TENM2: variants seen among roughly 807,000 people sequenced by gnomAD.
TENM2 encodes the protein teneurin transmembrane protein 2.
A neutral mutation model predicts 245.2 loss-of-function variants in TENM2; 52 were observed. That is an observed-to-expected ratio of 0.21 (90% CI 0.17 to 0.27). The LOEUF is 0.27. Ranked by LOEUF, TENM2 falls within the 10% of genes least tolerant of loss-of-function variation. The pLI is 1.00. For missense variants in TENM2, 3,046 were observed against 3,666.8 expected, an observed-to-expected ratio of 0.83 and a Z score of 4.37; for synonymous variants, 1,363 against 1,438.9, an observed-to-expected ratio of 0.95 and a Z score of 1.19.
In TENM2 at chr5:168,216,855, T is replaced by A. The variant is rs766834954; in HGVS notation, c.4166T>A (p.Leu1389Gln). 5.6e-6 allele frequency: 9 copies of A among 1,613,998 alleles called. No homozygotes were observed. In the South Asian group the frequency reaches 8.8e-5, roughly 16 times the overall value. Residue 1389 changes from leucine (L) to glutamine (Q), a missense_variant, in exon 22 of 29, where the codon CTG becomes CAG. Leu to Gln is a moderately radical substitution (Grantham distance 113). Coordinates refer to ENST00000518659, the Ensembl canonical transcript of TENM2. ...GACCAGAATGGAATCATCTCCACCCTGCTGGGCTCCAATGACCTCACTGCC... is the reference window on the plus strand; with the variant it reads ...GACCAGAATGGAATCATCTCCACCCAGCTGGGCTCCAATGACCTCACTGCC...
Position 168,244,461 on chromosome 5 carries a change from T to C in TENM2, c.5562T>C (p.Asn1854=), listed in dbSNP as rs772037392. 2 of 1,584,404 alleles carry C rather than the reference T, an allele frequency of 1.3e-6. No homozygotes were observed. Among genetic ancestry groups the C allele is most frequent in the South Asian group, 2.3e-5 (2 of 88,108 alleles). Residue 1854 remains asparagine (N), a synonymous_variant, in exon 26 of 29, where the codon AAT becomes AAC. Coordinates refer to ENST00000518659, the Ensembl canonical transcript of TENM2. The surrounding 1 kb of genome is among the most constrained non-coding windows in gnomAD (Gnocchi z 4.9). ...TCTTGTCCATTGACTATGATCGAAA[T>C]ATTCGGACTGAAAAGATCTATGATG...
At chr5:167,261,808 T>A in the TENM2 span, among the ~76,000 whole-genome samples, 1 of 152,316 alleles carries the variant, frequency 6.6e-6, no homozygotes, top group South Asian at 2.1e-4. Flanking sequence ...TTTTATTATG[T>A]TACCCTCTAA....
intron 2 of TENM2, among the ~76,000 whole-genome samples, chr5:167,488,897 C>T (rs1210922530): frequency 1.3e-5 from 2 of 152,170 alleles, no homozygotes; most frequent in Non-Finnish European, 2.9e-5. Flanking sequence ...ATGGTTACTT[C>T]ATCCTTCATT....
chr5:167,667,127 T>C (rs915611856), intron 2 of TENM2, among the ~76,000 whole-genome samples: 1 of 152,328 alleles, frequency 6.6e-6, no homozygotes, highest in Non-Finnish European at 1.5e-5. Flanking sequence ...GCTGTATCCT[T>C]ACATCTGCTT....
At chr5:168,126,504 A>G (rs1795860559) in intron 11 of TENM2, among the ~76,000 whole-genome samples, 1 of 152,186 alleles carries the variant, frequency 6.6e-6, no homozygotes, top group Non-Finnish European at 1.5e-5. Context: ...ACAAGAGTCT[A>G]CATTTCTAAC....
At chr5:168,000,129 A>G (rs1281071266) in intron 5 of TENM2, among the ~76,000 whole-genome samples, 1 of 152,110 alleles carries the variant, frequency 6.6e-6, no homozygotes, top group Non-Finnish European at 1.5e-5. Context: ...CACACACCCT[A>G]CTTATTTGAC....
At chr5:167,043,910 C>T in the TENM2 span, among the ~76,000 whole-genome samples, 3 of 152,034 alleles carry the variant, frequency 2.0e-5, no homozygotes, top group Non-Finnish European at 1.5e-5. Context: ...GTCCCAGCTA[C>T]TCGGGAGGCT....
chr5:168,206,544 G>A (rs1275695172), intron 19 of TENM2, among the ~76,000 whole-genome samples: 1 of 152,168 alleles, frequency 6.6e-6, no homozygotes, highest in Non-Finnish European at 1.5e-5. Flanking sequence ...TGGAGGAGGG[G>A]GCATGGTAAC....
intron 3 of TENM2, among the ~76,000 whole-genome samples, chr5:167,903,331 T>G (rs1775854748): frequency 6.6e-6 from 1 of 152,104 alleles, no homozygotes. Flanking sequence ...AAGTGAAATT[T>G]AAGATTTTGG....
chr5:167,303,449 C>T (rs1379616104), intron 1 of TENM2: 1 of 152,174 alleles, frequency 6.6e-6, no homozygotes, highest in Admixed American at 6.5e-5. Context: ...GGGCTGTTCT[C>T]TGGCGGGCTG....
At chr5:167,857,112 A>G (rs140911975) in intron 2 of TENM2, among the ~76,000 whole-genome samples, 62 of 152,304 alleles carry the variant, frequency 4.1e-4, no homozygotes, top group African/African-American at 1.3e-3. Context: ...TGAATGAACT[A>G]CAGAGTGGAT....
At chr5:167,214,487 A>G in the TENM2 span, among the ~76,000 whole-genome samples, 1 of 152,330 alleles carries the variant, frequency 6.6e-6, no homozygotes, top group Non-Finnish European at 1.5e-5. Flanking sequence ...GGCACAAAAT[A>G]TAAGACTCTC....
chr5:167,543,133 C>G (rs1772321326), intron 2 of TENM2, among the ~76,000 whole-genome samples: 1 of 152,100 alleles, frequency 6.6e-6, no homozygotes. Context: ...CAGGTGATTC[C>G]AATGCTCACT....
intron 2 of TENM2, among the ~76,000 whole-genome samples, chr5:167,485,113 A>G (rs978264010): frequency 1.3e-5 from 2 of 152,148 alleles, no homozygotes; most frequent in African/African-American, 2.4e-5. Context: ...CGGTGGCCCT[A>G]TTAGGAAGTA....
At chr5:168,165,647 AAC>A (rs1328816531) in intron 13 of TENM2, among the ~76,000 whole-genome samples, 41 of 15,888 alleles carry the variant, frequency 2.6e-3, no homozygotes, top group South Asian at 8.9e-3. Flanking sequence ...TCCCCCCCCC[AAC>A]CCCCCCCCCC....
At chr5:167,333,346 A>C (rs1757565484) in intron 1 of TENM2, among the ~76,000 whole-genome samples, 1 of 152,232 alleles carries the variant, frequency 6.6e-6, no homozygotes, top group Non-Finnish European at 1.5e-5. Flanking sequence ...CTGCAAAGTA[A>C]GCACAATGTT....
chr5:167,767,774 T>C (rs1763131117), intron 2 of TENM2, among the ~76,000 whole-genome samples: 1 of 152,242 alleles, frequency 6.6e-6, no homozygotes, highest in Admixed American at 6.5e-5. Context: ...CAGTTCTTTG[T>C]ATTTTGAACT....
At position 167,355,888 on chromosome 5, in the gene TENM2, A is replaced by G. The variant is rs1354580414; in HGVS notation, c.227-19310A>G. On this transcript the variant is annotated intron_variant, in intron 1 of 28. Transcript: ENST00000518659. ...CCTTAATTTTTTTTTTTTTTTTTTA[A>G]AGCTAGGAAGATGGCTGGGTGCCGT... Among the ~76,000 whole-genome samples the G allele has an allele frequency of 2.1e-5, 3 of 144,742 alleles. No individual in the cohort carries two copies. In the East Asian group the frequency reaches 6.0e-4, roughly 29 times the overall value. 95.0% of individuals were successfully genotyped at this position (144,742 alleles called of 152,430 possible). A position where few individuals can be genotyped will look rare whatever the true frequency, so the allele number is the denominator to read the frequency against.
At chr5:167,525,449 GC>G (rs1296585125) in intron 2 of TENM2, among the ~76,000 whole-genome samples, 2 of 152,098 alleles carry the variant, frequency 1.3e-5, no homozygotes, top group East Asian at 3.8e-4. Context: ...GAACCAAGGA[GC>G]AACATATGGC....
Sources: allele counts gnomAD v4.1 joint callset (sites outside exome capture counted in the v4.1 genomes callset), GRCh38; gene constraint gnomAD v4.1.1; non-coding constraint Gnocchi (gnomAD v3.1); transcripts MANE v1.5; gene names NCBI Gene and HGNC (gene_info 2026-07-23, HGNC 2026-07-21).